Variants in CD48 observed in about 807,000 individuals in gnomAD.
CD48 encodes the protein CD48 molecule.
Under a neutral mutation model 22.0 loss-of-function variants are expected in CD48, and 20 were observed. The observed-to-expected ratio is 0.91, with a 90% confidence interval of 0.64 to 1.32. The LOEUF (loss-of-function observed/expected upper bound fraction) is 1.32, where lower values mean the gene tolerates loss of function less well. Among genes scored for constraint, CD48 ranks in the 40% most tolerant of loss-of-function variants. The pLI is 0.00. For synonymous variants in CD48, 110 were observed against 110.1 expected (o/e 1.00, Z 0.01); for missense variants, 307 against 286.5 (o/e 1.07, Z -0.52).
rs765286176 is a variant in CD48, at chr1:160,681,376, A to G, written c.478T>C (p.Ser160Pro). The stretch of plus-strand genomic sequence containing the variant: ...TCCCCATACCAGGTGTAGTTTACAG[A>G]CTCGCCAGGTATCACACATGACAGT... ...LKLSCVIPGE[S>P]VNYTWYGDKR... The change falls in exon 3 of 4, where the codon TCT becomes CCT. Residue 160 changes from serine to proline, a missense_variant. By Grantham distance (74) the Ser-to-Pro change is moderately conservative. Coordinates refer to ENST00000368046, the MANE Select transcript of CD48 (RefSeq NM_001778.4). The G allele has an allele frequency of 1.9e-5, 31 of 1,613,896 alleles. No individual in the cohort carries two copies. Among genetic ancestry groups the G allele is most frequent in the Non-Finnish European group, 2.5e-5 (30 of 1,180,012 alleles).
At chr1:160,697,820 T>C (rs910785880) in intron 1 of CD48, among the ~76,000 whole-genome samples, 15 of 152,082 alleles carry the variant, frequency 9.9e-5, no homozygotes, top group Non-Finnish European at 1.0e-4. Context: ...CCACAATTGC[T>C]CAGGACAAAC....
chr1:160,706,233 C>T (rs1662790964), intron 1 of CD48, among the ~76,000 whole-genome samples: 1 of 152,112 alleles, frequency 6.6e-6, no homozygotes, highest in Non-Finnish European at 1.5e-5. Context: ...CACCACCACG[C>T]CGGGCTAATT....
chr1:160,701,229 A>AGCAGGGGCAGGCAC (rs71090320), intron 1 of CD48, among the ~76,000 whole-genome samples: 1 of 94,524 alleles, frequency 1.1e-5, no homozygotes, highest in Non-Finnish European at 2.2e-5. Flanking sequence ...TAGGTATTAA[A>AGCAGGGGCAGGCAC]GCCAGGTTGG....
At chr1:160,686,322 G>A (rs1661998900) in intron 1 of CD48, among the ~76,000 whole-genome samples, 2 of 152,082 alleles carry the variant, frequency 1.3e-5, no homozygotes. Context: ...CTGCTTCTGA[G>A]GCCATCATTT....
At position 160,684,929 on chromosome 1, in the gene CD48, T is replaced by C. The variant is rs768100503; in HGVS notation, c.343A>G (p.Thr115Ala). Residue 115 changes from threonine (T) to alanine (A), a missense_variant, in exon 2 of 4, where the codon ACT becomes GCT. By Grantham distance (58) the Thr-to-Ala change is moderately conservative (BLOSUM62 0). Coordinates refer to ENST00000368046, the MANE Select transcript of CD48 (RefSeq NM_001778.4). ...ATCTTCCATTCTTGCTCATTCCCAG[T>C]CTTTTTCAACACCCTCATGATGTAG... Reference protein sequence around the residue: ...STYIMRVLKKTGNEQEWKIKL... With the variant: ...STYIMRVLKKAGNEQEWKIKL... The C allele has an allele frequency of 3.7e-6, 6 of 1,614,044 alleles. No individual in the cohort carries two copies. Among genetic ancestry groups the C allele is most frequent in the Non-Finnish European group, 5.1e-6 (6 of 1,180,028 alleles).
chr1:160,693,934 A>T (rs1662317396), intron 1 of CD48, among the ~76,000 whole-genome samples: 1 of 152,264 alleles, frequency 6.6e-6, no homozygotes, highest in African/African-American at 2.4e-5. Context: ...CCCCCGCCAC[A>T]AGTGGCAGTG....
chr1:160,709,156 G>A (rs1662878065), intron 1 of CD48, among the ~76,000 whole-genome samples: 1 of 150,798 alleles, frequency 6.6e-6, no homozygotes, highest in Admixed American at 6.6e-5. Context: ...TTGTTAAATA[G>A]CAATACATAG....
At chr1:160,688,891 A>G (rs1662091152) in intron 1 of CD48, among the ~76,000 whole-genome samples, 1 of 152,192 alleles carries the variant, frequency 6.6e-6, no homozygotes. Context: ...TATTTTTTAA[A>G]TAGCCCTTTG....
At chr1:160,688,040 T>C (rs1195598008) in intron 1 of CD48, among the ~76,000 whole-genome samples, 1 of 152,250 alleles carries the variant, frequency 6.6e-6, no homozygotes, top group African/African-American at 2.4e-5. Flanking sequence ...TGCATTTGCA[T>C]GTGATGTTTG....
intron 1 of CD48, among the ~76,000 whole-genome samples, chr1:160,702,959 G>A (rs924679607): frequency 6.6e-6 from 1 of 152,136 alleles, no homozygotes; most frequent in South Asian, 2.1e-4. Context: ...AAAAATCTGG[G>A]TATAATTCAG....
intron 1 of CD48, among the ~76,000 whole-genome samples, chr1:160,706,116 C>T (rs970527799): frequency 2.6e-5 from 4 of 151,804 alleles, no homozygotes; most frequent in Non-Finnish European, 5.9e-5. Context: ...CTTTTGTCAC[C>T]CAGGCTGGAG....
intron 1 of CD48, among the ~76,000 whole-genome samples, chr1:160,704,316 T>C (rs1472091174): frequency 6.6e-6 from 1 of 152,210 alleles, no homozygotes; most frequent in Non-Finnish European, 1.5e-5. Flanking sequence ...ATTTCTGTTT[T>C]TGTTGGGTGG....
intron 3 of CD48, 80 bp downstream of exon 3, chr1:160,681,122 A>G: frequency 6.2e-7 from 1 of 1,606,910 alleles, no homozygotes; most frequent in Non-Finnish European, 8.5e-7. Flanking sequence ...AAGGAGGCTG[A>G]ATAGGACCCC....
intron 3 of CD48, among the ~76,000 whole-genome samples, chr1:160,679,822 G>A (rs1661731263): frequency 6.6e-6 from 1 of 152,152 alleles, no homozygotes. Flanking sequence ...TTTTATAGAG[G>A]ACAGGGAATG....
chr1:160,691,208 G>T (rs1303971008), intron 1 of CD48, among the ~76,000 whole-genome samples: 1 of 152,130 alleles, frequency 6.6e-6, no homozygotes, highest in Non-Finnish European at 1.5e-5. Context: ...CACCCGTAAA[G>T]GGTCTGTGCT....
At chr1:160,705,278 A>G (rs1463907370) in intron 1 of CD48, among the ~76,000 whole-genome samples, 1 of 152,196 alleles carries the variant, frequency 6.6e-6, no homozygotes. Flanking sequence ...TCATTTCTAC[A>G]GTGCTTCTGA....
rs1010176040 is a variant in CD48, at chr1:160,685,081, T to C, written c.191A>G (p.Gln64Arg). ...KQLTWFYTFD[Q>R]KIVEWDSRKS... Reference sequence around the variant, plus strand: ...TCTGGAATCCCATTCTACAATCTTCTGGTCGAAAGTATAAAACCAGGTTAG... The same window carrying C: ...TCTGGAATCCCATTCTACAATCTTCCGGTCGAAAGTATAAAACCAGGTTAG... The change falls in exon 2 of 4, where the codon CAG (glutamine) becomes CGG (arginine). Residue 64 changes from glutamine to arginine, a missense_variant. Gln to Arg is a conservative substitution (Grantham distance 43). Transcript: ENST00000368046. 5 of 1,614,110 alleles carry C rather than the reference T, an allele frequency of 3.1e-6. No individual in the cohort carries two copies. In the East Asian group the frequency reaches 8.9e-5, roughly 29 times the overall value.
rs895408251 is a variant in CD48, at chr1:160,685,247, C to T, written c.83-58G>A. ...AGAGGAGGCAGTGTTGCTGACAGGC[C>T]CAGGGTATAGCCTGGGCTGGTGGAA... On this transcript the variant is annotated intron_variant, in intron 1 of 3. Transcript: ENST00000368046. 8.2e-6 allele frequency: 11 copies of T among 1,345,680 alleles called. No homozygotes were observed. The African/African-American group carries it at 1.2e-4, about 14-fold the overall frequency. 83.4% of individuals were successfully genotyped at this position (1,345,680 alleles called of 1,614,324 possible).
chr1:160,706,667 A>T (rs1021173138), intron 1 of CD48, among the ~76,000 whole-genome samples: 2 of 152,226 alleles, frequency 1.3e-5, no homozygotes, highest in East Asian at 1.9e-4. Context: ...GGATAAAGTA[A>T]CAAAGTTGGA....
Sources: allele counts gnomAD v4.1 joint callset (sites outside exome capture counted in the v4.1 genomes callset), GRCh38; gene constraint gnomAD v4.1.1; transcripts MANE v1.5; gene names NCBI Gene and HGNC (gene_info 2026-07-23, HGNC 2026-07-21).